Variants in TNFSF4 observed in about 807,000 individuals in gnomAD.
TNFSF4 encodes the protein TNF superfamily member 4, also known as tumor necrosis factor ligand superfamily member 4.
In TNFSF4, 4 loss-of-function variants were observed where a neutral mutation model predicts 7.3. That is an observed-to-expected ratio of 0.55 (90% CI 0.27 to 1.25). The LOEUF (loss-of-function observed/expected upper bound fraction) is 1.25, where lower values mean the gene tolerates loss of function less well. Among genes scored for constraint, TNFSF4 ranks in the 50% most tolerant of loss-of-function variants. TNFSF4 has a pLI of 0.12. For synonymous variants in TNFSF4, 76 were observed against 83.7 expected, an observed-to-expected ratio of 0.91 and a Z score of 0.50; for missense variants, 181 against 208.8, an observed-to-expected ratio of 0.87 and a Z score of 0.82.
downstream of TNFSF4, among the ~76,000 whole-genome samples, chr1:173,179,166 T>G (rs959113745): frequency 1.3e-5 from 2 of 152,200 alleles, no homozygotes; most frequent in Non-Finnish European, 2.9e-5. Flanking sequence ...TGGTAATTTT[T>G]TACAGCAGAT....
the TNFSF4 span, among the ~76,000 whole-genome samples, chr1:173,406,181 C>A: frequency 1.3e-5 from 2 of 152,088 alleles, no homozygotes; most frequent in African/African-American, 2.4e-5. Context: ...TCAAAGGAAG[C>A]AGGGCTTTGG....
At chr1:173,206,609 T>A (rs528294015) in intron 1 of TNFSF4, among the ~76,000 whole-genome samples, 1 of 152,198 alleles carries the variant, frequency 6.6e-6, no homozygotes. Context: ...CTATAGGGTA[T>A]ATGAATATTA....
chr1:173,238,743 CA>C, the TNFSF4 span, among the ~76,000 whole-genome samples: 2 of 152,008 alleles, frequency 1.3e-5, no homozygotes, highest in African/African-American at 4.8e-5. Flanking sequence ...ACTAAAAAGT[CA>C]AAAAATAACA....
chr1:173,281,169 C>G, the TNFSF4 span, among the ~76,000 whole-genome samples: 1 of 151,708 alleles, frequency 6.6e-6, no homozygotes, highest in Non-Finnish European at 1.5e-5. Context: ...GCACGTCTCA[C>G]ACAAAGTTCG....
the TNFSF4 span, among the ~76,000 whole-genome samples, chr1:173,445,358 G>A: frequency 3.3e-5 from 5 of 152,162 alleles, no homozygotes; most frequent in Non-Finnish European, 5.9e-5. Flanking sequence ...TGCGATGGGG[G>A]TGCTGCAGAC....
the TNFSF4 span, among the ~76,000 whole-genome samples, chr1:173,361,205 A>G: frequency 6.6e-6 from 1 of 152,198 alleles, no homozygotes. Context: ...AGATGACTGC[A>G]GGGCTTTTGA....
chr1:173,246,169 T>C, the TNFSF4 span, among the ~76,000 whole-genome samples: 1 of 152,228 alleles, frequency 6.6e-6, no homozygotes, highest in East Asian at 1.9e-4. Flanking sequence ...TTTATTTCAC[T>C]TTAAGTTCTG....
the TNFSF4 span, among the ~76,000 whole-genome samples, chr1:173,437,502 T>C: frequency 3.0e-4 from 46 of 152,330 alleles, no homozygotes; most frequent in South Asian, 8.9e-3. Context: ...CACTACAAAA[T>C]TATATAGGCA....
chr1:173,327,714 A>T, the TNFSF4 span, among the ~76,000 whole-genome samples: 1 of 152,258 alleles, frequency 6.6e-6, no homozygotes, highest in Non-Finnish European at 1.5e-5. Flanking sequence ...GACACTTTTC[A>T]AAAGAAGACA....
the TNFSF4 span, among the ~76,000 whole-genome samples, chr1:173,317,812 A>T: frequency 3.3e-5 from 5 of 152,248 alleles, no homozygotes; most frequent in Non-Finnish European, 5.9e-5. Flanking sequence ...AGGGCAATTT[A>T]AAAAATATTC....
the TNFSF4 span, among the ~76,000 whole-genome samples, chr1:173,350,733 T>C: frequency 2.0e-5 from 3 of 152,196 alleles, no homozygotes; most frequent in Non-Finnish European, 4.4e-5. Context: ...CCTCAGAGGC[T>C]GACACAACAG....
chr1:173,364,225 G>GTATATATATATATATA, the TNFSF4 span, among the ~76,000 whole-genome samples: 96 of 143,604 alleles, frequency 6.7e-4, no homozygotes, highest in African/African-American at 2.0e-3. Context: ...AGAAGACTAG[G>GTATATATATATATATA]TATATATATA....
chr1:173,394,216 T>TAAA, the TNFSF4 span, among the ~76,000 whole-genome samples: 41 of 112,594 alleles, frequency 3.6e-4, no homozygotes, highest in African/African-American at 1.1e-3. Context: ...ACTCCATCTT[T>TAAA]AAAAAAAAAA....
the TNFSF4 span, among the ~76,000 whole-genome samples, chr1:173,230,532 G>A: frequency 6.6e-6 from 1 of 152,120 alleles, no homozygotes; most frequent in Non-Finnish European, 1.5e-5. Flanking sequence ...AGAGAAGCAA[G>A]AGCAAACACA....
chr1:173,300,202 T>TAC, the TNFSF4 span, among the ~76,000 whole-genome samples: 1 of 149,956 alleles, frequency 6.7e-6, no homozygotes, highest in Admixed American at 6.6e-5. Context: ...CATACATACA[T>TAC]ATAAGATAAA....
the TNFSF4 span, among the ~76,000 whole-genome samples, chr1:173,439,930 T>G: frequency 6.6e-6 from 1 of 152,162 alleles, no homozygotes; most frequent in Non-Finnish European, 1.5e-5. Context: ...TAACAAGAAA[T>G]GTACACCATT....
At chr1:173,430,700 C>T in the TNFSF4 span, among the ~76,000 whole-genome samples, 61 of 152,314 alleles carry the variant, frequency 4.0e-4, no homozygotes, top group African/African-American at 1.4e-3. Flanking sequence ...TAATGTCATA[C>T]TCTGTCTGCA....
chr1:173,244,621 G>A, the TNFSF4 span, among the ~76,000 whole-genome samples: 5 of 129,832 alleles, frequency 3.9e-5, no homozygotes, highest in African/African-American at 1.3e-4. Context: ...CAGCCTGGGC[G>A]ACAGAGCGAG....
At chr1:173,196,006 G>C (rs1490566067) in intron 1 of TNFSF4, among the ~76,000 whole-genome samples, 4 of 152,154 alleles carry the variant, frequency 2.6e-5, no homozygotes, top group Non-Finnish European at 4.4e-5. Flanking sequence ...GACCTCACAA[G>C]CTCTCAGGGT....
Sources: gnomAD v4.1 joint callset for allele counts (sites outside exome capture counted in the v4.1 genomes callset) on GRCh38, gnomAD v4.1.1 for gene constraint, MANE v1.5 for transcripts, NCBI Gene and HGNC (gene_info 2026-07-23, HGNC 2026-07-21) for gene names.